The following STX11 variants were observed in gnomAD, a reference collection of about 807,000 sequenced individuals.
STX11 encodes the protein syntaxin 11, also known as syntaxin-11.
STX11 carries 21 observed loss-of-function variants against 19.9 expected under a neutral mutation model. The ratio of observed to expected loss-of-function variants is 1.06; its 90% confidence interval spans 0.75 to 1.52. STX11 has a LOEUF of 1.52. Ranked by LOEUF, STX11 falls within the 40% of genes most tolerant of loss-of-function variation. The pLI is 0.00. For missense variants in STX11, 438 were observed against 405.9 expected (o/e 1.08, Z -0.68); for synonymous variants, 193 against 174.4 (o/e 1.11, Z -0.84).
At chr6:144,179,105 G>C (rs1801842721) in intron 1 of STX11, among the ~76,000 whole-genome samples, 1 of 152,150 alleles carries the variant, frequency 6.6e-6, no homozygotes, top group South Asian at 2.1e-4. Context: ...GCAAGGAGGG[G>C]CAAGTCACAT....
chr6:144,187,730 A>G lies in STX11; in HGVS notation c.*239A>G, dbSNP rs1802100542. The G allele has an allele frequency of 3.2e-6, 2 of 619,292 alleles. No homozygotes were observed. The highest frequency in any genetic ancestry group is 5.8e-6 in the Non-Finnish European group (2 of 343,738). 38.4% of individuals were successfully genotyped at this position (619,292 alleles called of 1,614,324 possible). A position where few individuals can be genotyped will look rare whatever the true frequency, so the allele number is the denominator to read the frequency against. On this transcript the variant is annotated 3_prime_UTR_variant, in exon 2 of 2. Transcript: ENST00000367568. This position sits in a 1 kb window ranked among gnomAD's most constrained non-coding sequence, Gnocchi z 5.6. ...GATTCCCACAAAGTTGTGCAATGTCATTATATGACACCTTGCACTCTTACC... is the reference window on the plus strand; with the variant it reads ...GATTCCCACAAAGTTGTGCAATGTCGTTATATGACACCTTGCACTCTTACC...
rs914385671 is a variant in STX11, at chr6:144,152,644, G to C, written c.-6+1941G>C. On this transcript the variant is annotated intron_variant, in intron 1 of 1. Transcript: ENST00000367568. This position sits in a 1 kb window ranked among gnomAD's most constrained non-coding sequence, Gnocchi z 4.9. ...TTAATAGGTTGTTTTGTTTTGTTTT[G>C]TTTTTTGAGACAGAGTCTCACTCTG... Among the ~76,000 whole-genome samples the C allele has an allele frequency of 1.1e-4, 16 of 152,114 alleles. No individual in the cohort carries two copies. Among genetic ancestry groups the C allele is most frequent in the African/African-American group, 3.1e-4 (13 of 41,422 alleles).
At position 144,187,503 on chromosome 6, in the gene STX11, G is replaced by A. The variant is rs372260775; in HGVS notation, c.*12G>A. 5 of 1,611,598 alleles carry A rather than the reference G, an allele frequency of 3.1e-6. No individual in the cohort carries two copies. Among genetic ancestry groups the A allele is most frequent in the Non-Finnish European group, 3.4e-6 (4 of 1,179,916 alleles). The stretch of plus-strand genomic sequence containing the variant: ...CCTGCCTCAAGTAGCAGGCCGGCCC[G>A]GGCCGCCACCGCCCATCCCAGACCA... On this transcript the variant is annotated 3_prime_UTR_variant, in exon 2 of 2. Transcript: ENST00000367568. This position sits in a 1 kb window ranked among gnomAD's most constrained non-coding sequence, Gnocchi z 5.6.
At chr6:144,146,129 G>A (rs1800869341), upstream of STX11, among the ~76,000 whole-genome samples, 7 of 152,340 alleles carry the variant, frequency 4.6e-5, no homozygotes, top group South Asian at 1.2e-3. This position sits in a 1 kb window ranked among gnomAD's most constrained non-coding sequence, Gnocchi z 4.4. Flanking sequence ...CCTCAGAAGG[G>A]TGGCTGTGCT....
In STX11 at chr6:144,187,170, C is replaced by T. The variant is rs770109393; in HGVS notation, c.543C>T (p.Phe181=). 3.7e-6 allele frequency: 6 copies of T among 1,613,976 alleles called. No individual in the cohort carries two copies. In the South Asian group the frequency reaches 4.4e-5, roughly 12 times the overall value. Residue 181 remains phenylalanine, a synonymous_variant, in exon 2 of 2, where the codon TTC becomes TTT. Transcript: ENST00000367568. The surrounding 1 kb of genome is among the most constrained non-coding windows in gnomAD (Gnocchi z 5.6). ...CGGGCGACCAGATCGAGGACATGTTCGAGCAGGGTAAGTGGGACGTGTTTT... is the reference window on the plus strand; with the variant it reads ...CGGGCGACCAGATCGAGGACATGTTTGAGCAGGGTAAGTGGGACGTGTTTT... The part of the protein sequence containing the change: ...EVSGDQIEDM[F]EQGKWDVFSE...
rs970789360 is a variant in STX11, at chr6:144,183,644, A to G, written c.-5-2979A>G. ...AGACTTTTTTTTAATCTAGAAAAAA[A>G]ATTTAATGTACTTGCTTAGTTCAGC... On this transcript the variant is annotated intron_variant, in intron 1 of 1. Coordinates refer to ENST00000367568, the MANE Select transcript of STX11 (RefSeq NM_003764.4). This position sits in a 1 kb window ranked among gnomAD's most constrained non-coding sequence, Gnocchi z 4.6. Among the ~76,000 whole-genome samples, 1 of 152,224 alleles carries G rather than the reference A, an allele frequency of 6.6e-6. No individual in the cohort carries two copies. Among genetic ancestry groups the G allele is most frequent in the Non-Finnish European group, 1.5e-5 (1 of 68,038 alleles).
At chr6:144,145,123 T>C in the STX11 span, among the ~76,000 whole-genome samples, 1 of 152,176 alleles carries the variant, frequency 6.6e-6, no homozygotes, top group Non-Finnish European at 1.5e-5. Flanking sequence ...TTAGTCACAA[T>C]AGCCAAAGGG....
Position 144,174,779 on chromosome 6 carries a change from G to A in STX11, c.-5-11844G>A, listed in dbSNP as rs1164798268. On this transcript the variant is annotated intron_variant, in intron 1 of 1. Coordinates refer to ENST00000367568, the MANE Select transcript of STX11 (RefSeq NM_003764.4). This position sits in a 1 kb window ranked among gnomAD's most constrained non-coding sequence, Gnocchi z 5.3. Reference sequence around the variant, plus strand: ...TGGGATGAGAACAGATGCTCACCACGTCATGGAAATAATCTAATTGGTTGA... The same window carrying A: ...TGGGATGAGAACAGATGCTCACCACATCATGGAAATAATCTAATTGGTTGA... Among the ~76,000 whole-genome samples, 3 of 147,838 alleles carry A rather than the reference G, an allele frequency of 2.0e-5. No homozygotes were observed. Among genetic ancestry groups the A allele is most frequent in the African/African-American group, 5.1e-5 (2 of 39,174 alleles).
rs529205118 is a variant in STX11, at chr6:144,172,495, T to C, written c.-5-14128T>C. On this transcript the variant is annotated intron_variant, in intron 1 of 1. Coordinates refer to ENST00000367568, the MANE Select transcript of STX11 (RefSeq NM_003764.4). The surrounding 1 kb of genome is among the most constrained non-coding windows in gnomAD (Gnocchi z 4.2). ...CCCATCCTCTTGGTCAAAGCAAGTC[T>C]CATGGCCAAGGGTAGAGAAACTGAT... 2.9e-3 allele frequency among the ~76,000 whole-genome samples: 441 copies of C among 152,274 alleles called. 3 individuals are homozygous for C. The highest frequency in any genetic ancestry group is 4.4e-3 in the Non-Finnish European group (298 of 68,030).
upstream of STX11, among the ~76,000 whole-genome samples, chr6:144,149,903 T>G (rs1800949283): frequency 6.6e-6 from 1 of 152,188 alleles, no homozygotes; most frequent in Admixed American, 6.5e-5. The surrounding 1 kb of genome is among the most constrained non-coding windows in gnomAD (Gnocchi z 5.1). Flanking sequence ...TGCCGGGACC[T>G]GGAGGGTGGG....
rs1342641676 is a variant in STX11 at position 144,182,430 on chromosome 6, C to G, written c.-5-4193C>G. ...GGCCCCCTTCCCTCCTTTACCACAC[C>G]TCAATAGAGAATCTTTATGTCTCCT... On this transcript the variant is annotated intron_variant, in intron 1 of 1. Transcript: ENST00000367568. The surrounding 1 kb of genome is among the most constrained non-coding windows in gnomAD (Gnocchi z 4.8). Among the ~76,000 whole-genome samples the G allele has an allele frequency of 6.6e-6, 1 of 152,160 alleles. No individual in the cohort carries two copies. Among genetic ancestry groups the G allele is most frequent in the Non-Finnish European group, 1.5e-5 (1 of 68,006 alleles).
chr6:144,159,646 G>A lies in STX11; in HGVS notation c.-6+8943G>A, dbSNP rs1456430532. 1.3e-5 allele frequency among the ~76,000 whole-genome samples: 2 copies of A among 152,122 alleles called. No homozygotes were observed. Among genetic ancestry groups the A allele is most frequent in the African/African-American group, 4.8e-5 (2 of 41,416 alleles). On this transcript the variant is annotated intron_variant, in intron 1 of 1. Transcript: ENST00000367568. This position sits in a 1 kb window ranked among gnomAD's most constrained non-coding sequence, Gnocchi z 4.3. ...GAAGTTTCTGTGTGTCTCATTCAAT[G>A]CACCATTACTAGAAGTTACTTTGTT...
In STX11 at chr6:144,175,307, T is replaced by C. The variant is rs534807013; in HGVS notation, c.-5-11316T>C. Among the ~76,000 whole-genome samples the C allele has an allele frequency of 1.3e-5, 2 of 152,348 alleles. No individual in the cohort carries two copies. Among genetic ancestry groups the C allele is most frequent in the East Asian group, 3.9e-4 (2 of 5,188 alleles). Reference sequence around the variant, plus strand: ...TATCATTTGTTGAAGTCTCAATATATGCTACTCTCATGAAAATGCTTTATA... The same window carrying C: ...TATCATTTGTTGAAGTCTCAATATACGCTACTCTCATGAAAATGCTTTATA... On this transcript the variant is annotated intron_variant, in intron 1 of 1. Coordinates refer to ENST00000367568, the MANE Select transcript of STX11 (RefSeq NM_003764.4). This position sits in a 1 kb window ranked among gnomAD's most constrained non-coding sequence, Gnocchi z 5.1.
rs183602765 is a variant in STX11 at position 144,183,601 on chromosome 6, C to A, written c.-5-3022C>A. 1.3e-5 allele frequency among the ~76,000 whole-genome samples: 2 copies of A among 151,970 alleles called. No homozygotes were observed. The highest frequency in any genetic ancestry group is 6.5e-5 in the Admixed American group (1 of 15,270). On this transcript the variant is annotated intron_variant, in intron 1 of 1. Transcript: ENST00000367568. This position sits in a 1 kb window ranked among gnomAD's most constrained non-coding sequence, Gnocchi z 4.6. ...TCATTAAGTTGCAAAAACAAAGACACCACAGGAGTTTTAAATTAGACTTTT... is the reference window on the plus strand; with the variant it reads ...TCATTAAGTTGCAAAAACAAAGACAACACAGGAGTTTTAAATTAGACTTTT...
In STX11 at chr6:144,151,378, C is replaced by T. The variant is rs912782572; in HGVS notation, c.-6+675C>T. The T allele has an allele frequency of 2.0e-6, 2 of 985,436 alleles. No homozygotes were observed. Among genetic ancestry groups the T allele is most frequent in the Middle Eastern group, 5.2e-4 (1 of 1,914 alleles). The allele number at this position is 985,436 out of a possible 1,614,324, so 61.0% of individuals were successfully genotyped here. On this transcript the variant is annotated intron_variant, in intron 1 of 1. Coordinates refer to ENST00000367568, the MANE Select transcript of STX11 (RefSeq NM_003764.4). The surrounding 1 kb of genome is among the most constrained non-coding windows in gnomAD (Gnocchi z 4.6). ...TCACGCACTTGTTTCAGCCGTTTCT[C>T]AGCAGAGGGAGGAGCTGTTATTTAC...
intron 1 of STX11, among the ~76,000 whole-genome samples, chr6:144,164,958 A>C (rs1298739141): frequency 6.6e-6 from 1 of 151,922 alleles, no homozygotes; most frequent in Non-Finnish European, 1.5e-5. Context: ...CGGCCTCCCA[A>C]AGTGCTGGGA....
intron 1 of STX11, among the ~76,000 whole-genome samples, chr6:144,157,467 C>T (rs566636425): frequency 5.9e-5 from 9 of 152,306 alleles, no homozygotes; most frequent in East Asian, 5.8e-4. Flanking sequence ...TCATTTACTA[C>T]ATTTGTAGCC....
At position 144,186,883 on chromosome 6, in the gene STX11, A is replaced by T; in HGVS notation, c.256A>T (p.Thr86Ser). 1 of 1,612,420 alleles carries T rather than the reference A, an allele frequency of 6.2e-7. No homozygotes were observed. The highest frequency in any genetic ancestry group is 8.5e-7 in the Non-Finnish European group (1 of 1,180,012). Reference protein sequence around the residue: ...MRRLSSIKRDTNSIAKAIKAR... With the variant: ...MRRLSSIKRDSNSIAKAIKAR... Reference sequence around the variant, plus strand: ...GCGCCTCAGCAGCATCAAGCGCGACACCAACTCCATCGCCAAGGCCATCAA... The same window carrying T: ...GCGCCTCAGCAGCATCAAGCGCGACTCCAACTCCATCGCCAAGGCCATCAA... Residue 86 changes from threonine (T) to serine (S), a missense_variant, in exon 2 of 2, where the codon ACC becomes TCC. By Grantham distance (58) the Thr-to-Ser change is moderately conservative (BLOSUM62 1). Transcript: ENST00000367568.
the STX11 span, among the ~76,000 whole-genome samples, chr6:144,142,055 A>G: frequency 1.5e-4 from 23 of 151,348 alleles, no homozygotes; most frequent in Non-Finnish European, 7.4e-5. Context: ...GCACACTAGT[A>G]TTTGAGTCTG....
Sources: gnomAD v4.1 joint callset for allele counts (sites outside exome capture counted in the v4.1 genomes callset) on GRCh38, gnomAD v4.1.1 for gene constraint, Gnocchi (gnomAD v3.1) non-coding constraint, MANE v1.5 for transcripts, NCBI Gene and HGNC (gene_info 2026-07-23, HGNC 2026-07-21) for gene names.